Variants in ACOXL observed in about 807,000 individuals in gnomAD.
ACOXL encodes acyl-coenzyme A oxidase-like protein.
Under a neutral mutation model 71.9 loss-of-function variants are expected in ACOXL, and 70 were observed. The ratio of observed to expected loss-of-function variants is 0.97; its 90% confidence interval spans 0.80 to 1.19. The LOEUF (loss-of-function observed/expected upper bound fraction) is 1.19, where lower values mean the gene tolerates loss of function less well. Among genes scored for constraint, ACOXL ranks in the 50% most tolerant of loss-of-function variants. ACOXL has a pLI of 0.00. For synonymous variants in ACOXL, 253 were observed against 281.6 expected (o/e 0.90, Z 1.02); for missense variants, 703 against 736.3 (o/e 0.95, Z 0.52).
chr2:111,009,340 C>A (rs2064027528), intron 14 of ACOXL, among the ~76,000 whole-genome samples: 1 of 151,842 alleles, frequency 6.6e-6, no homozygotes, highest in Admixed American at 6.6e-5. Flanking sequence ...ATGGTGAAAC[C>A]CCACCTCTAC....
At chr2:111,076,153 C>T (rs867231802) in intron 16 of ACOXL, among the ~76,000 whole-genome samples, 13 of 152,002 alleles carry the variant, frequency 8.6e-5, no homozygotes, top group East Asian at 3.8e-4. Context: ...TTCTGTCTAT[C>T]GACTGATAAT....
intron 10 of ACOXL, among the ~76,000 whole-genome samples, chr2:110,902,963 G>T (rs2059298544): frequency 6.6e-6 from 1 of 152,202 alleles, no homozygotes; most frequent in South Asian, 2.1e-4. Flanking sequence ...CCTGAGCCCA[G>T]GAAGGAACTG....
chr2:110,842,789 G>A (rs1380844763), intron 10 of ACOXL, among the ~76,000 whole-genome samples: 1 of 152,116 alleles, frequency 6.6e-6, no homozygotes, highest in African/African-American at 2.4e-5. Flanking sequence ...GGAAGGGGAA[G>A]GTGAGAGTGA....
chr2:110,839,971 G>GGTTTGTTGTTGTTGCT (rs1690938959), intron 9 of ACOXL, among the ~76,000 whole-genome samples: 1 of 149,638 alleles, frequency 6.7e-6, no homozygotes, highest in East Asian at 2.0e-4. Context: ...ATGATGCTTA[G>GGTTTGTTGTTGTTGCT]GTTTGTTGTT....
intron 10 of ACOXL, 67 bp from the exon 11 acceptor site, chr2:110,908,722 C>A: frequency 1.6e-6 from 2 of 1,247,606 alleles, no homozygotes; most frequent in Admixed American, 1.8e-5. Context: ...GCATTTTTAG[C>A]TCTGGAAATG....
chr2:110,744,834 G>A (rs1361404322), intron 1 of ACOXL, among the ~76,000 whole-genome samples: 1 of 152,126 alleles, frequency 6.6e-6, no homozygotes, highest in East Asian at 1.9e-4. Context: ...TCTTGGAGAG[G>A]GTGGAGTTTG....
At chr2:111,069,150 T>TC (rs1558935283) in intron 16 of ACOXL, among the ~76,000 whole-genome samples, 10 of 151,080 alleles carry the variant, frequency 6.6e-5, no homozygotes, top group Admixed American at 2.0e-4. Context: ...TTTTTCTTTT[T>TC]TTTTTTTTTT....
intron 10 of ACOXL, among the ~76,000 whole-genome samples, chr2:110,904,077 G>A (rs2059349093): frequency 1.3e-5 from 2 of 152,250 alleles, no homozygotes; most frequent in Non-Finnish European, 2.9e-5. Context: ...CATCTGATGG[G>A]TGGTGAGAAG....
rs150879486 is a variant in ACOXL, at chr2:110,802,216, TC to T, written c.620+500del. Among the ~76,000 whole-genome samples the T allele has an allele frequency of 2.9e-4, 44 of 151,492 alleles. 1 individual carries two copies. Among genetic ancestry groups the T allele is most frequent in the East Asian group, 9.7e-4 (5 of 5,160 alleles). On this transcript the variant is annotated intron_variant, in intron 8 of 17. Coordinates refer to ENST00000439055, the MANE Select transcript of ACOXL (RefSeq NM_001142807.4). ...TGTTGGGCATTTAGTTTTTTTTCCTTCCCCCCCCTGCCATTACAAACAGATG... is the reference window on the plus strand; with the variant it reads ...TGTTGGGCATTTAGTTTTTTTTCCTTCCCCCCCTGCCATTACAAACAGATG...
Position 111,009,607 on chromosome 2 carries a change from G to A in ACOXL, c.1281+13603G>A, listed in dbSNP as rs532848202. 6.6e-5 allele frequency among the ~76,000 whole-genome samples: 10 copies of A among 152,108 alleles called. No homozygotes were observed. In the South Asian group the frequency reaches 1.2e-3, roughly 19 times the overall value. ...GGAACATCCCAAAAAGAAAGAAGCC[G>A]CAGAGAGGGAAGCTTCAAAATACAT... On this transcript the variant is annotated intron_variant, in intron 14 of 17. Coordinates refer to ENST00000439055, the MANE Select transcript of ACOXL (RefSeq NM_001142807.4).
rs574451329 is a variant in ACOXL, at chr2:111,000,597, G to A, written c.1281+4593G>A. Among the ~76,000 whole-genome samples the A allele has an allele frequency of 4.5e-4, 68 of 152,344 alleles. 1 individual carries two copies. The East Asian group carries it at 0.013, about 29-fold the overall frequency. On this transcript the variant is annotated intron_variant, in intron 14 of 17. Coordinates refer to ENST00000439055, the MANE Select transcript of ACOXL (RefSeq NM_001142807.4). The stretch of plus-strand genomic sequence containing the variant: ...GAAATCATGGTGGCAGCAGGGCCCT[G>A]CTCCCTCTGAGACCCTGGGTAGAAT...
intron 10 of ACOXL, among the ~76,000 whole-genome samples, chr2:110,864,376 A>G (rs1356727022): frequency 1.3e-5 from 2 of 152,160 alleles, no homozygotes; most frequent in Non-Finnish European, 2.9e-5. Context: ...CTCTCCATCC[A>G]CAAAGGGTAG....
chr2:110,806,429 A>G (rs1021998061), intron 9 of ACOXL, among the ~76,000 whole-genome samples: 7 of 152,218 alleles, frequency 4.6e-5, no homozygotes, highest in African/African-American at 1.4e-4. Context: ...CTGATATTGA[A>G]TGAGGCCCCA....
chr2:111,072,279 T>C (rs1486653263), intron 16 of ACOXL, among the ~76,000 whole-genome samples: 1 of 152,242 alleles, frequency 6.6e-6, no homozygotes, highest in Non-Finnish European at 1.5e-5. Context: ...CAATGATCTA[T>C]TATTCTTCAT....
At chr2:110,896,491 C>A (rs1016887792) in intron 10 of ACOXL, among the ~76,000 whole-genome samples, 1 of 151,914 alleles carries the variant, frequency 6.6e-6, no homozygotes, top group African/African-American at 2.4e-5. Context: ...AAACTCACTT[C>A]AAATGTAACA....
intron 15 of ACOXL, among the ~76,000 whole-genome samples, chr2:111,033,982 A>G (rs779353915): frequency 5.3e-5 from 8 of 152,242 alleles, no homozygotes; most frequent in Non-Finnish European, 1.2e-4. Context: ...TTCACCTTAG[A>G]AACATGACAG....
At chr2:110,860,733 G>A (rs1039690908) in intron 10 of ACOXL, among the ~76,000 whole-genome samples, 2 of 152,194 alleles carry the variant, frequency 1.3e-5, no homozygotes, top group Non-Finnish European at 2.9e-5. Flanking sequence ...CAGGAGCTTT[G>A]GAGAGAGAGA....
intron 9 of ACOXL, among the ~76,000 whole-genome samples, chr2:110,818,417 A>ATGTGTGTGTGTG (rs1405102852): frequency 2.2e-5 from 3 of 139,300 alleles, no homozygotes; most frequent in African/African-American, 8.5e-5. Context: ...AAACATATAT[A>ATGTGTGTGTGTG]TATATATGTG....
At chr2:111,001,415 A>AACAAAAC (rs2149618308) in intron 14 of ACOXL, among the ~76,000 whole-genome samples, 1 of 147,412 alleles carries the variant, frequency 6.8e-6, no homozygotes, top group African/African-American at 2.5e-5. Flanking sequence ...AACAAAACAA[A>AACAAAAC]AAAACCCTAG....
Sources: gnomAD v4.1 joint callset for allele counts (sites outside exome capture counted in the v4.1 genomes callset) on GRCh38, gnomAD v4.1.1 for gene constraint, MANE v1.5 for transcripts, NCBI Gene and HGNC (gene_info 2026-07-23, HGNC 2026-07-21) for gene names.